AR: variants seen among roughly 807,000 people sequenced by gnomAD.
The protein encoded by AR is androgen receptor.
Under a neutral mutation model 53.9 loss-of-function variants are expected in AR, and 8 were observed. The ratio of observed to expected loss-of-function variants is 0.15; its 90% CI spans 0.09 to 0.27. The LOEUF is 0.27. Among genes scored for constraint, AR ranks in the 10% least tolerant of loss-of-function variants. AR has a pLI of 1.00. For missense variants in AR, 639 were observed against 742.5 expected (o/e 0.86, Z 1.62); for synonymous variants, 359 against 316.4 (o/e 1.13, Z -1.43).
intron 1 of AR, among the ~76,000 whole-genome samples, chrX:67,626,436 C>CTTTTTTTTT (rs1233324601): frequency 8.5e-5 from 4 of 46,815 alleles, no homozygotes; most frequent in Non-Finnish European, 7.5e-5. Context: ...CAGGCTCTCT[C>CTTTTTTTTT]TTTTTTTTTT....
At chrX:67,709,135 T>C (rs1415777938) in intron 3 of AR, among the ~76,000 whole-genome samples, 5 of 111,818 alleles carry the variant, frequency 4.5e-5, no homozygotes, top group East Asian at 2.8e-4. Flanking sequence ...TCTCCAGCTG[T>C]GTGCTGGGAG....
At chrX:67,665,992 A>T (rs949956794) in intron 2 of AR, among the ~76,000 whole-genome samples, 1 of 111,650 alleles carries the variant, frequency 9.0e-6, no homozygotes, top group Non-Finnish European at 1.9e-5. Context: ...ATACAAGCAT[A>T]CAGTGTATAA....
rs1428706101 is a variant in AR at position 67,587,568 on chromosome X, C to A, written c.1616+40806C>A. On this transcript the variant is annotated intron_variant, in intron 1 of 7. Transcript: ENST00000374690. ...ATATGTGTAAGTCCCAGAATATTTT[C>A]TGATTTAGACACAGACTTTGAGCAT... Among the ~76,000 whole-genome samples, 23 of 111,481 alleles carry A rather than the reference C, an allele frequency of 2.1e-4. No individual in the cohort carries two copies. The Admixed American group carries it at 2.2e-3, about 11-fold the overall frequency.
intron 1 of AR, among the ~76,000 whole-genome samples, chrX:67,638,189 G>A: frequency 8.9e-6 from 1 of 111,864 alleles, no homozygotes; most frequent in East Asian, 2.8e-4. Context: ...ATTCCATGGT[G>A]TATATGTGCC....
At chrX:67,716,117 T>C (rs768632144) in intron 4 of AR, among the ~76,000 whole-genome samples, 5 of 111,911 alleles carry the variant, frequency 4.5e-5, no homozygotes, top group Non-Finnish European at 7.5e-5. Context: ...TTTGTTTAGG[T>C]AATATTTCTT....
At chrX:67,608,984 A>G (rs1019210328) in intron 1 of AR, among the ~76,000 whole-genome samples, 5 of 110,167 alleles carry the variant, frequency 4.5e-5, no homozygotes, top group African/African-American at 1.3e-4. Flanking sequence ...CATCCCTTCA[A>G]TCTCATTAGT....
chrX:67,614,951 G>T (rs1488686864), intron 1 of AR, among the ~76,000 whole-genome samples: 1 of 110,561 alleles, frequency 9.0e-6, no homozygotes, highest in East Asian at 2.8e-4. Context: ...TAACTGAAAT[G>T]AAAAATTCAC....
chrX:67,723,192 A>C (rs1444340612), intron 7 of AR, among the ~76,000 whole-genome samples: 2 of 109,899 alleles, frequency 1.8e-5, no homozygotes, highest in Non-Finnish European at 3.8e-5. Flanking sequence ...GGAGGAGTTG[A>C]GAACAGAGCA....
At chrX:67,696,077 A>G (rs1413427343) in intron 3 of AR, 12 of 744,523 alleles carry the variant, frequency 1.6e-5, no homozygotes, top group Non-Finnish European at 1.9e-5. Context: ...TAATACACCA[A>G]TCGTATTTTC....
chrX:67,702,053 A>G (rs1469334324), intron 3 of AR, among the ~76,000 whole-genome samples: 2 of 111,482 alleles, frequency 1.8e-5, no homozygotes, highest in African/African-American at 6.5e-5. Context: ...TAGAGAGAAT[A>G]TGGGCTTTAT....
In AR at chrX:67,724,243, A is replaced by G; in HGVS notation, c.*402A>G. Reference sequence around the variant, plus strand: ...GCCACGGGAAGTTTAGAGAGCTAAGATTATCTGGGGAAATCAAAACAAAAA... The same window carrying G: ...GCCACGGGAAGTTTAGAGAGCTAAGGTTATCTGGGGAAATCAAAACAAAAA... On this transcript the variant is annotated 3_prime_UTR_variant, in exon 8 of 8. Transcript: ENST00000374690. 1 of 176,758 alleles carries G rather than the reference A, an allele frequency of 5.7e-6. No individual in the cohort carries two copies. The highest frequency in any genetic ancestry group is 8.1e-5 in the East Asian group (1 of 12,397). 14.6% of individuals were successfully genotyped at this position (176,758 alleles called of 1,213,427 possible).
rs2076119322 is a variant in AR at position 67,717,680 on chromosome X, T to C, written c.2318+58T>C. On this transcript the variant is annotated intron_variant, in intron 5 of 7. Coordinates refer to ENST00000374690, the MANE Select transcript of AR (RefSeq NM_000044.6). Reference sequence around the variant, plus strand: ...ATACAGCAGCTTGGCCAGACCTGGTTGGTGGTGATGGTGATGGGGTGACAG... The same window carrying C: ...ATACAGCAGCTTGGCCAGACCTGGTCGGTGGTGATGGTGATGGGGTGACAG... 6 of 1,180,561 alleles carry C rather than the reference T, an allele frequency of 5.1e-6. No individual in the cohort carries two copies. The Admixed American group carries it at 1.3e-4, about 26-fold the overall frequency.
At chrX:67,682,880 G>GA (rs1310816142) in intron 2 of AR, among the ~76,000 whole-genome samples, 4 of 111,596 alleles carry the variant, frequency 3.6e-5, no homozygotes, top group African/African-American at 1.3e-4. Flanking sequence ...AGGACTTACA[G>GA]AAAAAAGATT....
intron 2 of AR, among the ~76,000 whole-genome samples, chrX:67,652,677 A>G (rs1926400498): frequency 8.9e-6 from 1 of 111,899 alleles, no homozygotes; most frequent in Non-Finnish European, 1.9e-5. Flanking sequence ...CTCAAGAATT[A>G]TGTGAGGCAG....
chrX:67,544,956 G>A lies in AR; in HGVS notation c.-191G>A. The A allele has an allele frequency of 1.9e-6, 1 of 515,614 alleles. No homozygotes were observed. The highest frequency in any genetic ancestry group is 3.0e-6 in the Non-Finnish European group (1 of 328,421). The allele number at this position is 515,614 out of a possible 1,213,427, so 42.5% of individuals were successfully genotyped here. ...TCTTGTCCACCGTGTGTCTTCTTCTGCACGAGACTTTGAGGCTGTCAGAGC... is the reference window on the plus strand; with the variant it reads ...TCTTGTCCACCGTGTGTCTTCTTCTACACGAGACTTTGAGGCTGTCAGAGC... On this transcript the variant is annotated 5_prime_UTR_variant, in exon 1 of 8. Transcript: ENST00000374690.
At chrX:67,659,993 G>A (rs998924219) in intron 2 of AR, among the ~76,000 whole-genome samples, 9 of 112,068 alleles carry the variant, frequency 8.0e-5, no homozygotes, top group African/African-American at 2.9e-4. Context: ...TCATGTGTCT[G>A]TTGGCTGTGT....
At chrX:67,708,718 G>T (rs2076080028) in intron 3 of AR, among the ~76,000 whole-genome samples, 1 of 112,113 alleles carries the variant, frequency 8.9e-6, no homozygotes, top group Non-Finnish European at 1.9e-5. Flanking sequence ...GAGGGGCTCT[G>T]ATTTTTAGAA....
chrX:67,691,316 T>A (rs909781661), intron 3 of AR, among the ~76,000 whole-genome samples: 1 of 112,447 alleles, frequency 8.9e-6, no homozygotes, highest in Non-Finnish European at 1.9e-5. Flanking sequence ...GCCAGTTTCC[T>A]TGGTCTAGGC....
chrX:67,644,884 G>A (rs187331223), intron 2 of AR, among the ~76,000 whole-genome samples: 1 of 111,545 alleles, frequency 9.0e-6, no homozygotes, highest in African/African-American at 3.3e-5. Context: ...GTAAGGCCTA[G>A]AGCAGTGCCT....
Sources: gnomAD v4.1 joint callset for allele counts (sites outside exome capture counted in the v4.1 genomes callset) on GRCh38, gnomAD v4.1.1 for gene constraint, MANE v1.5 for transcripts, NCBI Gene and HGNC (gene_info 2026-07-23, HGNC 2026-07-21) for gene names.